The following TTC34 variants were observed in gnomAD, a reference collection of about 807,000 sequenced individuals.
TTC34 encodes tetratricopeptide repeat protein 34.
TTC34 carries 44 observed loss-of-function variants against 40.7 expected under a neutral mutation model. The observed-to-expected ratio is 1.08, with a 90% CI of 0.85 to 1.39. The LOEUF (loss-of-function observed/expected upper bound fraction) is 1.39. Ranked by LOEUF, TTC34 falls within the 40% of genes most tolerant of loss-of-function variation. The pLI, the probability that TTC34 is intolerant of heterozygous loss-of-function variation, is 0.00. For missense variants in TTC34, 884 were observed against 838.0 expected (o/e 1.05, Z -0.68); for synonymous variants, 422 against 398.6 (o/e 1.06, Z -0.70).
At position 2,768,201 on chromosome 1, in the gene TTC34, G is replaced by A. The variant is rs186739969; in HGVS notation, c.2226+15408C>T. On this transcript the variant is annotated intron_variant, in intron 6 of 8. Coordinates refer to ENST00000401095, the Ensembl canonical transcript of TTC34. ...GCATCTGACAGCCTGGAGCAGCAGT[G>A]CCCACCCCTGGGTGAGGATGCTCAC... Among the ~76,000 whole-genome samples, 527 of 150,976 alleles carry A rather than the reference G, an allele frequency of 3.5e-3. 11 individuals are homozygous for A. Among genetic ancestry groups the A allele is most frequent in the African/African-American group, 0.012 (508 of 41,214 alleles).
At chr1:2,776,675 C>T (rs1228656188) in intron 6 of TTC34, among the ~76,000 whole-genome samples, 2 of 13,440 alleles carry the variant, frequency 1.5e-4, no homozygotes, top group African/African-American at 6.0e-4. Flanking sequence ...GCCTGGAAAC[C>T]CCCCCACTGC....
intron 6 of TTC34, among the ~76,000 whole-genome samples, chr1:2,684,412 G>T: frequency 6.6e-6 from 1 of 150,860 alleles, no homozygotes; most frequent in African/African-American, 2.5e-5. Context: ...GTGAGCATCT[G>T]ACAGACTGGA....
intron 6 of TTC34, among the ~76,000 whole-genome samples, chr1:2,687,434 C>A (rs1640415082): frequency 6.7e-6 from 1 of 150,254 alleles, no homozygotes; most frequent in African/African-American, 2.5e-5. Flanking sequence ...TGGTCTGGAG[C>A]AGCACCCACA....
rs963133205 is a variant in TTC34 at position 2,783,687 on chromosome 1, T to C, written c.2148A>G (p.Thr716=). Reference sequence around the variant, plus strand: ...CGTTCCCCGGCTCAGCCCGCAGCACTGTGTTGAAGTCGAACATGGCCGTCT... The same window carrying C: ...CGTTCCCCGGCTCAGCCCGCAGCACCGTGTTGAAGTCGAACATGGCCGTCT... The change falls in exon 6 of 9, where the codon ACA becomes ACG. Residue 716 remains threonine (T), a synonymous_variant. Coordinates refer to ENST00000401095, the Ensembl canonical transcript of TTC34. 1.4e-5 allele frequency: 21 copies of C among 1,543,578 alleles called. No homozygotes were observed. The African/African-American group carries it at 2.5e-4, about 18-fold the overall frequency.
chr1:2,682,085 C>A (rs1640106264), intron 6 of TTC34, among the ~76,000 whole-genome samples: 1 of 132,886 alleles, frequency 7.5e-6, no homozygotes, highest in African/African-American at 2.9e-5. Context: ...GAGCATCTGA[C>A]AGCCTGGAGC....
intron 6 of TTC34, among the ~76,000 whole-genome samples, chr1:2,694,266 A>C (rs1195898498): frequency 4.2e-4 from 20 of 48,018 alleles, no homozygotes; most frequent in South Asian, 1.3e-3. Flanking sequence ...GCAGCACCCC[A>C]CACCCCCAGG....
intron 6 of TTC34, among the ~76,000 whole-genome samples, chr1:2,750,235 C>A (rs1641270357): frequency 2.6e-5 from 4 of 152,190 alleles, no homozygotes; most frequent in African/African-American, 9.6e-5. Flanking sequence ...TCTGGAGCAG[C>A]ACCCACACCC....
At chr1:2,792,085 C>T (rs80116600) in intron 2 of TTC34, among the ~76,000 whole-genome samples, 3,406 of 126,740 alleles carry the variant, frequency 0.027, 55 homozygotes, top group Middle Eastern at 0.054. Flanking sequence ...GGTGTAAATA[C>T]GGCTCACTGT....
chr1:2,677,865 T>C (rs1314723562), intron 6 of TTC34, among the ~76,000 whole-genome samples: 1 of 32,858 alleles, frequency 3.0e-5, no homozygotes, highest in Non-Finnish European at 5.0e-5. Flanking sequence ...CAGGTGAGCA[T>C]CAGACAGCCT....
intron 2 of TTC34, among the ~76,000 whole-genome samples, chr1:2,799,108 AGCCTCCCG>A (rs1220112817): frequency 5.6e-5 from 8 of 142,840 alleles, no homozygotes; most frequent in Non-Finnish European, 1.2e-4. Context: ...CCAGCCTCTC[AGCCTCCCG>A]GCCTCCCGGC....
Position 2,749,301 on chromosome 1 carries a change from G to C in TTC34, c.2226+34308C>G, listed in dbSNP as rs1279079124. 1.3e-4 allele frequency among the ~76,000 whole-genome samples: 3 copies of C among 22,898 alleles called. 1 individual carries two copies. Among genetic ancestry groups the C allele is most frequent in the Admixed American group, 8.8e-4 (2 of 2,282 alleles). The allele number at this position is 22,898 out of a possible 152,430, so 15.0% of individuals were successfully genotyped here. ...CCCAAAACCACAGGTGAGCATCGGA[G>C]AGTCTGGAACAGAACCCACACCCAC... On this transcript the variant is annotated intron_variant, in intron 6 of 8. Coordinates refer to ENST00000401095, the Ensembl canonical transcript of TTC34.
At chr1:2,688,483 C>A (rs1442196046) in intron 6 of TTC34, among the ~76,000 whole-genome samples, 3 of 122,996 alleles carry the variant, frequency 2.4e-5, no homozygotes, top group East Asian at 2.4e-4. Context: ...TGGAGCAGCA[C>A]CCCACACCCA....
chr1:2,652,709 T>C (rs1639191326), intron 6 of TTC34, among the ~76,000 whole-genome samples: 1 of 147,776 alleles, frequency 6.8e-6, no homozygotes, highest in African/African-American at 2.5e-5. Context: ...TCTGACAGCC[T>C]GGAGGAGCAC....
In TTC34 at chr1:2,796,469, C is replaced by G. The variant is rs1160019330; in HGVS notation, c.784+3575G>C. Among the ~76,000 whole-genome samples the G allele has an allele frequency of 6.6e-6, 1 of 152,160 alleles. No homozygotes were observed. The highest frequency in any genetic ancestry group is 6.5e-5 in the Admixed American group (1 of 15,276). ...GCACAATTCTTAGGGCAGGTGTTCCCTGTACACACCAGAGCCACGGCAGAC... is the reference window on the plus strand; with the variant it reads ...GCACAATTCTTAGGGCAGGTGTTCCGTGTACACACCAGAGCCACGGCAGAC... On this transcript the variant is annotated intron_variant, in intron 2 of 8. Coordinates refer to ENST00000401095, the Ensembl canonical transcript of TTC34. This position sits in a 1 kb window ranked among gnomAD's most constrained non-coding sequence, Gnocchi z 4.5.
In TTC34 at chr1:2,695,145, C is replaced by G. The variant is rs1393113452; in HGVS notation, c.2227-49582G>C. 1.3e-4 allele frequency among the ~76,000 whole-genome samples: 13 copies of G among 101,938 alleles called. 2 individuals carry two copies. The Admixed American group carries it at 1.3e-3, about 10-fold the overall frequency. The allele number at this position is 101,938 out of a possible 152,430, so 66.9% of individuals were successfully genotyped here. On this transcript the variant is annotated intron_variant, in intron 6 of 8. Transcript: ENST00000401095. ...ATGAGCATCTGACAGCGTGGAACAG[C>G]ACCCTGCACCCCCAGGAGAGCATCT...
chr1:2,780,968 T>C (rs1384197673), intron 6 of TTC34, among the ~76,000 whole-genome samples: 2 of 152,252 alleles, frequency 1.3e-5, no homozygotes, highest in South Asian at 2.1e-4. Flanking sequence ...GTACAAATCT[T>C]TCACCTCTTT....
At chr1:2,655,584 C>T (rs1259031901) in intron 6 of TTC34, among the ~76,000 whole-genome samples, 2 of 147,424 alleles carry the variant, frequency 1.4e-5, no homozygotes, top group African/African-American at 5.1e-5. Flanking sequence ...CCCAGGTTAG[C>T]ATCTGACAGC....
chr1:2,764,174 C>A (rs1234109348), intron 6 of TTC34, among the ~76,000 whole-genome samples: 306 of 147,006 alleles, frequency 2.1e-3, no homozygotes, highest in African/African-American at 7.6e-3. Flanking sequence ...TAAAACAGCA[C>A]CCTGCAACCC....
intron 6 of TTC34, among the ~76,000 whole-genome samples, chr1:2,652,490 G>A (rs1199903575): frequency 1.3e-5 from 2 of 151,578 alleles, no homozygotes; most frequent in South Asian, 2.1e-4. Context: ...CACACCCCCA[G>A]GCGAGCATCT....
Sources: allele counts gnomAD v4.1 joint callset (sites outside exome capture counted in the v4.1 genomes callset), GRCh38; gene constraint gnomAD v4.1.1; non-coding constraint Gnocchi (gnomAD v3.1); transcripts MANE v1.5; gene names NCBI Gene and HGNC (gene_info 2026-07-23, HGNC 2026-07-21).